RHOJ: variants seen among roughly 807,000 people sequenced by gnomAD.
RHOJ encodes the protein rho-related GTP-binding protein RhoJ.
Under a neutral mutation model 23.4 loss-of-function variants are expected in RHOJ, and 11 were observed. The observed-to-expected ratio is 0.47, with a 90% CI of 0.30 to 0.78. RHOJ has a LOEUF of 0.78. Among genes scored for constraint, RHOJ ranks in the 30% least tolerant of loss-of-function variants. The pLI is 0.08. For missense variants in RHOJ, 254 were observed against 273.4 expected (o/e 0.93, Z 0.50); for synonymous variants, 102 against 102.7 (o/e 0.99, Z 0.04).
At chr14:63,283,043 ACT>A (rs1409029406) in intron 3 of RHOJ, 76 bp from the exon 4 acceptor site, 2 of 1,147,808 alleles carry the variant, frequency 1.7e-6, no homozygotes, top group African/African-American at 3.1e-5. Flanking sequence ...AGGGAAAAAG[ACT>A]CTATGATGTC....
chr14:63,253,144 G>T (rs1240416719), intron 1 of RHOJ, among the ~76,000 whole-genome samples: 1 of 152,048 alleles, frequency 6.6e-6, no homozygotes, highest in Non-Finnish European at 1.5e-5. Flanking sequence ...TCATGCAAGG[G>T]GTCATTCAAT....
intron 1 of RHOJ, among the ~76,000 whole-genome samples, chr14:63,211,212 A>G (rs766725522): frequency 6.6e-6 from 1 of 152,212 alleles, no homozygotes; most frequent in Non-Finnish European, 1.5e-5. Flanking sequence ...ACATAATTAT[A>G]ATAAATAGTG....
At chr14:63,242,887 A>G (rs1199455183) in intron 1 of RHOJ, among the ~76,000 whole-genome samples, 5 of 152,232 alleles carry the variant, frequency 3.3e-5, no homozygotes, top group Admixed American at 2.6e-4. Flanking sequence ...GTATTTTTAT[A>G]TAAATGAAAA....
In RHOJ at chr14:63,258,228, C is replaced by CAA. The variant is rs1300550864; in HGVS notation, c.179-10863_179-10862dup. ...GGGCAACAAGAGTGAAACTCTGTCCCAAAAAAAAAAAAAAAAAAAAGGGCT... is the reference window on the plus strand; with the variant it reads ...GGGCAACAAGAGTGAAACTCTGTCCCAAAAAAAAAAAAAAAAAAAAAAGGGCT... On this transcript the variant is annotated intron_variant, in intron 1 of 4. Transcript: ENST00000316754. Among the ~76,000 whole-genome samples the CAA allele has an allele frequency of 3.7e-3, 257 of 68,876 alleles. 5 individuals are homozygous for CAA. The highest frequency in any genetic ancestry group is 7.8e-3 in the African/African-American group (158 of 20,384). The allele number at this position is 68,876 out of a possible 152,430, so 45.2% of individuals were successfully genotyped here.
chr14:63,257,071 C>CAA (rs36013613), intron 1 of RHOJ, among the ~76,000 whole-genome samples: 1 of 135,436 alleles, frequency 7.4e-6, no homozygotes, highest in African/African-American at 2.7e-5. Context: ...GACTCTGTCC[C>CAA]AAAAAAAAAA....
chr14:63,236,700 A>G (rs1340485917), intron 1 of RHOJ, among the ~76,000 whole-genome samples: 1 of 151,884 alleles, frequency 6.6e-6, no homozygotes, highest in Admixed American at 6.6e-5. Context: ...CTAGTTACCA[A>G]CAAGTAGTGA....
At chr14:63,287,813 A>T (rs1882128225) in intron 4 of RHOJ, among the ~76,000 whole-genome samples, 1 of 152,198 alleles carries the variant, frequency 6.6e-6, no homozygotes, top group Non-Finnish European at 1.5e-5. Context: ...GGAGGCTTGA[A>T]TCCTGAACCC....
intron 4 of RHOJ, among the ~76,000 whole-genome samples, chr14:63,289,933 A>T (rs997504837): frequency 1.9e-4 from 29 of 151,470 alleles, no homozygotes; most frequent in Non-Finnish European, 3.4e-4. Context: ...TTAACTTTTT[A>T]AAAAATATGC....
At chr14:63,288,262 C>T in intron 4 of RHOJ, 1 of 985,462 alleles carries the variant, frequency 1.0e-6, no homozygotes, top group African/African-American at 1.7e-5. Context: ...ATGCTGTCAG[C>T]TGCACACTGG....
chr14:63,267,117 T>C (rs182732542), intron 1 of RHOJ, among the ~76,000 whole-genome samples: 2 of 152,284 alleles, frequency 1.3e-5, no homozygotes, highest in African/African-American at 4.8e-5. Flanking sequence ...AGGAACCTGG[T>C]AGACTCTTGA....
chr14:63,280,941 T>C (rs574658214), intron 2 of RHOJ, 30 bp from the exon 3 acceptor site: 2 of 1,596,792 alleles, frequency 1.3e-6, no homozygotes, highest in East Asian at 4.5e-5. Context: ...TTACACAGGC[T>C]GTACAAACCC....
chr14:63,281,066 C>G lies in RHOJ; in HGVS notation c.333C>G (p.Val111=). Residue 111 remains valine, a synonymous_variant, in exon 3 of 5, where the codon GTC becomes GTG. Transcript: ENST00000316754. ...TAAACCCTGCCTCTTACCACAATGT[C>G]CAGGAGGAATGGGTCCCCGAGCTCA... ...SVVNPASYHN[V]QEEWVPELKD... is the part of the protein sequence containing the mutation. 1 of 1,614,098 alleles carries G rather than the reference C, an allele frequency of 6.2e-7. No individual in the cohort carries two copies. Among genetic ancestry groups the G allele is most frequent in the Non-Finnish European group, 8.5e-7 (1 of 1,179,996 alleles).
intron 1 of RHOJ, among the ~76,000 whole-genome samples, chr14:63,258,912 C>T (rs754677136): frequency 6.6e-6 from 1 of 152,146 alleles, no homozygotes; most frequent in African/African-American, 2.4e-5. Flanking sequence ...CCACATGGTT[C>T]CCATTTATAT....
chr14:63,267,259 C>T lies in RHOJ; in HGVS notation c.179-1851C>T, dbSNP rs561386653. On this transcript the variant is annotated intron_variant, in intron 1 of 4. Transcript: ENST00000316754. ...TGCCATAGGAGAAAAGGGTGAGGCC[C>T]GAGGAAAAACAGACTGGAGAGAATG... is the stretch of plus-strand genomic sequence containing the variant. Among the ~76,000 whole-genome samples, 8 of 152,214 alleles carry T rather than the reference C, an allele frequency of 5.3e-5. No homozygotes were observed. The South Asian group carries it at 1.2e-3, about 24-fold the overall frequency.
chr14:63,280,233 C>G (rs908936868), intron 2 of RHOJ, among the ~76,000 whole-genome samples: 1 of 152,096 alleles, frequency 6.6e-6, no homozygotes, highest in Non-Finnish European at 1.5e-5. Context: ...CTATATTGCC[C>G]AGGCTGATCT....
At chr14:63,230,103 T>A (rs1031389101) in intron 1 of RHOJ, among the ~76,000 whole-genome samples, 2 of 151,140 alleles carry the variant, frequency 1.3e-5, no homozygotes, top group African/African-American at 4.9e-5. Flanking sequence ...GAGGGCAGAG[T>A]GGGGTGGCAG....
chr14:63,215,977 G>A (rs961697768), intron 1 of RHOJ, among the ~76,000 whole-genome samples: 1 of 152,158 alleles, frequency 6.6e-6, no homozygotes, highest in African/African-American at 2.4e-5. Flanking sequence ...AGCATCCTAT[G>A]TGGACGCTCA....
At chr14:63,216,397 T>C (rs898059532) in intron 1 of RHOJ, among the ~76,000 whole-genome samples, 1 of 152,224 alleles carries the variant, frequency 6.6e-6, no homozygotes, top group East Asian at 1.9e-4. Flanking sequence ...CTAAGAATTA[T>C]GAAGAATGTT....
chr14:63,210,683 T>C (rs1187897884), intron 1 of RHOJ, among the ~76,000 whole-genome samples: 1 of 152,212 alleles, frequency 6.6e-6, no homozygotes, highest in Non-Finnish European at 1.5e-5. Context: ...CCCTCACTGG[T>C]AAAATATTCT....
Sources: gnomAD v4.1 joint callset for allele counts (sites outside exome capture counted in the v4.1 genomes callset) on GRCh38, gnomAD v4.1.1 for gene constraint, MANE v1.5 for transcripts, NCBI Gene and HGNC (gene_info 2026-07-23, HGNC 2026-07-21) for gene names.